The following LGR4 variants were observed in gnomAD, a reference collection of about 807,000 sequenced individuals.
LGR4 encodes leucine-rich repeat-containing G protein-coupled receptor 4.
A neutral mutation model predicts 84.8 loss-of-function variants in LGR4; 44 were observed. The ratio of observed to expected loss-of-function variants is 0.52; its 90% CI spans 0.41 to 0.67. The LOEUF (loss-of-function observed/expected upper bound fraction) is 0.67, where lower values mean the gene tolerates loss of function less well. LGR4 is among the 30% of genes least tolerant of loss of function. The probability of loss-of-function intolerance (pLI) is 0.00; values close to 1 mark genes in which losing one functional copy is unlikely to be tolerated. For synonymous variants in LGR4, 429 were observed against 434.3 expected (o/e 0.99, Z 0.15); for missense variants, 1,032 against 1,131.4 (o/e 0.91, Z 1.26).
chr11:27,386,598 G>A (rs537238982), intron 4 of LGR4, among the ~76,000 whole-genome samples: 16 of 152,170 alleles, frequency 1.1e-4, no homozygotes, highest in African/African-American at 3.9e-4. Context: ...GTTTCCTTGC[G>A]CTGTTCCAAC....
At position 27,472,091 on chromosome 11, in the gene LGR4, C is replaced by CG. The variant is rs952394843; in HGVS notation, c.185+26_185+27insC. 6.2e-6 allele frequency: 8 copies of CG among 1,290,922 alleles called. No individual in the cohort carries two copies. The East Asian group carries it at 2.3e-4, about 37-fold the overall frequency. 80.0% of individuals were successfully genotyped at this position (1,290,922 alleles called of 1,614,324 possible). A position where few individuals can be genotyped will look rare whatever the true frequency, so the allele number is the denominator to read the frequency against. Reference sequence around the variant, plus strand: ...CGCTGGGCCCCGTTTCCTCCCCCCCCCTCGCGTCCCCGCCGCCCGCACTCA... The same window carrying CG: ...CGCTGGGCCCCGTTTCCTCCCCCCCCGCTCGCGTCCCCGCCGCCCGCACTCA... On this transcript the variant is annotated intron_variant, in intron 1 of 17. Transcript: ENST00000379214.
chr11:27,395,947 G>C (rs2133382151), intron 2 of LGR4, among the ~76,000 whole-genome samples: 1 of 152,206 alleles, frequency 6.6e-6, no homozygotes, highest in South Asian at 2.1e-4. Flanking sequence ...AAATAGCAAG[G>C]TTAGGAAAAA....
intron 1 of LGR4, among the ~76,000 whole-genome samples, chr11:27,454,855 T>C (rs907854916): frequency 1.3e-5 from 2 of 151,840 alleles, no homozygotes; most frequent in Admixed American, 6.6e-5. Context: ...ACTGAGCCCA[T>C]GGAAAACTGG....
chr11:27,426,850 C>T (rs998726723), intron 1 of LGR4, among the ~76,000 whole-genome samples: 5 of 152,118 alleles, frequency 3.3e-5, no homozygotes, highest in African/African-American at 1.2e-4. Flanking sequence ...CTACCTTAAG[C>T]TGGATTGTGT....
chr11:27,466,755 C>G (rs1043269036), intron 1 of LGR4, among the ~76,000 whole-genome samples: 1 of 152,152 alleles, frequency 6.6e-6, no homozygotes, highest in South Asian at 2.1e-4. Flanking sequence ...GTTAAGGAAC[C>G]CTAAGTGAGA....
intron 1 of LGR4, among the ~76,000 whole-genome samples, chr11:27,466,316 A>C (rs1815585213): frequency 1.3e-5 from 2 of 152,244 alleles, no homozygotes; most frequent in African/African-American, 2.4e-5. Flanking sequence ...TGATTCTTGC[A>C]ACTTTACTTA....
intron 1 of LGR4, among the ~76,000 whole-genome samples, chr11:27,469,137 A>G (rs1450362228): frequency 6.6e-6 from 1 of 152,190 alleles, no homozygotes; most frequent in Non-Finnish European, 1.5e-5. Flanking sequence ...ACTGTTGTTC[A>G]AAAACATAAA....
chr11:27,446,432 A>C (rs1376265479), intron 1 of LGR4, among the ~76,000 whole-genome samples: 1 of 152,218 alleles, frequency 6.6e-6, no homozygotes, highest in Non-Finnish European at 1.5e-5. Context: ...ACACATGAAA[A>C]AATTCTCATC....
intron 1 of LGR4, among the ~76,000 whole-genome samples, chr11:27,463,812 A>G (rs1864727945): frequency 6.6e-6 from 1 of 152,222 alleles, no homozygotes; most frequent in African/African-American, 2.4e-5. Context: ...AACAAAAAAA[A>G]TGACAGAAAC....
At chr11:27,455,821 T>G (rs1864564557) in intron 1 of LGR4, among the ~76,000 whole-genome samples, 2 of 152,300 alleles carry the variant, frequency 1.3e-5, no homozygotes, top group South Asian at 2.1e-4. Context: ...ACACCCTACC[T>G]GCAAAACCTC....
At position 27,398,544 on chromosome 11, in the gene LGR4, A is replaced by G. The variant is rs1050111800; in HGVS notation, c.258-6026T>C. On this transcript the variant is annotated intron_variant, in intron 2 of 17. Transcript: ENST00000379214. ...TGATTAGACATATGGACTGAGCAGC[A>G]GGGAGGGCACATGAGGATTCAGTGG... 9.8e-5 allele frequency among the ~76,000 whole-genome samples: 15 copies of G among 152,336 alleles called. 1 individual carries two copies. The South Asian group carries it at 2.7e-3, about 27-fold the overall frequency.
intron 1 of LGR4, among the ~76,000 whole-genome samples, chr11:27,434,724 A>G (rs546214614): frequency 5.3e-5 from 8 of 152,266 alleles, no homozygotes; most frequent in African/African-American, 1.9e-4. Context: ...GCCTATTCAT[A>G]GCCCCTGAAA....
chr11:27,467,203 G>A (rs774998502), intron 1 of LGR4, among the ~76,000 whole-genome samples: 4 of 152,092 alleles, frequency 2.6e-5, no homozygotes, highest in Non-Finnish European at 5.9e-5. Flanking sequence ...CTCCTGGGTT[G>A]GTGAGAGATT....
In LGR4 at chr11:27,440,066, C is replaced by A. The variant is rs183823030; in HGVS notation, c.186-27206G>T. Among the ~76,000 whole-genome samples the A allele has an allele frequency of 2.4e-3, 358 of 152,190 alleles. 2 individuals are homozygous for A. The highest frequency in any genetic ancestry group is 8.1e-3 in the African/African-American group (336 of 41,520). On this transcript the variant is annotated intron_variant, in intron 1 of 17. Coordinates refer to ENST00000379214, the MANE Select transcript of LGR4 (RefSeq NM_018490.5). ...GATTATAGGCACCCACCACCACGCC[C>A]AGCTAATTTTTATATTTTTAGTAGA...
At chr11:27,471,224 G>A (rs1299696358) in intron 1 of LGR4, among the ~76,000 whole-genome samples, 1 of 152,168 alleles carries the variant, frequency 6.6e-6, no homozygotes, top group Non-Finnish European at 1.5e-5. Flanking sequence ...TTGGCAGGGC[G>A]ATTTTGTAAG....
At chr11:27,452,632 T>G (rs1864501304) in intron 1 of LGR4, among the ~76,000 whole-genome samples, 1 of 127,602 alleles carries the variant, frequency 7.8e-6, no homozygotes, top group African/African-American at 3.2e-5. Flanking sequence ...AGTTTTTTTT[T>G]TTTTTTTTTT....
intron 1 of LGR4, among the ~76,000 whole-genome samples, chr11:27,418,226 A>C (rs553963500): frequency 6.6e-6 from 1 of 152,272 alleles, no homozygotes; most frequent in Non-Finnish European, 1.5e-5. Flanking sequence ...ATTAAATTTA[A>C]CTGTTTTCAA....
intron 1 of LGR4, among the ~76,000 whole-genome samples, chr11:27,454,167 T>C (rs1477644878): frequency 6.6e-6 from 1 of 152,166 alleles, no homozygotes; most frequent in Non-Finnish European, 1.5e-5. Flanking sequence ...AATCCGAAAA[T>C]TTTTAAATCT....
intron 1 of LGR4, among the ~76,000 whole-genome samples, chr11:27,449,400 C>T (rs1003986982): frequency 6.6e-6 from 1 of 152,024 alleles, no homozygotes; most frequent in East Asian, 1.9e-4. Context: ...CTGGGCAACA[C>T]AGCGAGACAC....
Sources: allele counts gnomAD v4.1 joint callset (sites outside exome capture counted in the v4.1 genomes callset), GRCh38; gene constraint gnomAD v4.1.1; transcripts MANE v1.5; gene names NCBI Gene and HGNC (gene_info 2026-07-23, HGNC 2026-07-21).